Variants in FKBP1B observed in about 807,000 individuals in gnomAD.
FKBP1B encodes peptidyl-prolyl cis-trans isomerase FKBP1B.
A neutral mutation model predicts 13.5 loss-of-function variants in FKBP1B; 4 were observed. The observed-to-expected ratio is 0.30, with a 90% CI of 0.15 to 0.68. The LOEUF (loss-of-function observed/expected upper bound fraction) is 0.68. FKBP1B is among the 30% of genes least tolerant of loss of function. FKBP1B has a pLI of 0.76. For synonymous variants in FKBP1B, 54 were observed against 53.6 expected (o/e 1.01, Z -0.03); for missense variants, 93 against 136.2 (o/e 0.68, Z 1.58).
chr2:24,049,763 C>A lies in FKBP1B; in HGVS notation c.-87C>A. On this transcript the variant is annotated 5_prime_UTR_variant, in exon 1 of 4. Coordinates refer to ENST00000380986, the MANE Select transcript of FKBP1B (RefSeq NM_004116.5). The stretch of plus-strand genomic sequence containing the variant: ...TCTGCAGTGGCGGCGAGGAGGCGAG[C>A]CGGAGCGACGGCGGGGCTGGGGCCG... 8.8e-7 allele frequency: 1 copy of A among 1,140,902 alleles called. No homozygotes were observed. Among genetic ancestry groups the A allele is most frequent in the Non-Finnish European group, 1.1e-6 (1 of 889,592 alleles). 70.7% of individuals were successfully genotyped at this position (1,140,902 alleles called of 1,614,324 possible).
intron 2 of FKBP1B, among the ~76,000 whole-genome samples, chr2:24,057,608 G>T (rs758651809): frequency 4.6e-5 from 7 of 151,994 alleles, no homozygotes; most frequent in Non-Finnish European, 1.0e-4. Context: ...CCCTACCTCA[G>T]GTGATCTGCT....
chr2:24,052,412 A>G (rs1663921350), intron 1 of FKBP1B, among the ~76,000 whole-genome samples: 1 of 152,018 alleles, frequency 6.6e-6, no homozygotes, highest in Admixed American at 6.6e-5. Context: ...TCCAGCACCT[A>G]GCCTCCTTGC....
chr2:24,044,481 G>C, the FKBP1B span, among the ~76,000 whole-genome samples: 2 of 152,178 alleles, frequency 1.3e-5, no homozygotes, highest in Non-Finnish European at 2.9e-5. Flanking sequence ...TGGCCAGGCT[G>C]GTCTTGAACT....
the FKBP1B span, among the ~76,000 whole-genome samples, chr2:24,036,892 G>C: frequency 2.6e-5 from 4 of 152,242 alleles, no homozygotes; most frequent in Non-Finnish European, 5.9e-5. Context: ...GCGGATTAAG[G>C]GGAAGATGGG....
At chr2:24,060,571 T>C (rs1020408202) in intron 2 of FKBP1B, among the ~76,000 whole-genome samples, 1 of 151,740 alleles carries the variant, frequency 6.6e-6, no homozygotes, top group Non-Finnish European at 1.5e-5. Context: ...AATAAATAAA[T>C]AAAAATAGAA....
chr2:24,058,053 C>G (rs145091408), intron 2 of FKBP1B, among the ~76,000 whole-genome samples: 3,383 of 151,898 alleles, frequency 0.022, 126 homozygotes, highest in African/African-American at 0.076. Flanking sequence ...AAAAATTAGC[C>G]AGGCATGGTG....
chr2:24,061,009 C>A, intron 3 of FKBP1B, 83 bp downstream of exon 3: 1 of 991,152 alleles, frequency 1.0e-6, no homozygotes, highest in South Asian at 1.4e-5. Flanking sequence ...CCACCTTCAC[C>A]CACTCACAGA....
upstream of FKBP1B, among the ~76,000 whole-genome samples, chr2:24,045,063 T>A (rs1663568992): frequency 1.3e-5 from 2 of 152,314 alleles, no homozygotes; most frequent in South Asian, 4.1e-4. Flanking sequence ...ATATGCAGAA[T>A]GGACCTGAGA....
At chr2:24,053,247 G>A (rs866550852) in intron 1 of FKBP1B, among the ~76,000 whole-genome samples, 1 of 151,370 alleles carries the variant, frequency 6.6e-6, no homozygotes, top group African/African-American at 2.4e-5. Flanking sequence ...CAGTAGCTGG[G>A]ACTATAGGTA....
At chr2:24,049,152 G>C (rs1663732761), upstream of FKBP1B, among the ~76,000 whole-genome samples, 2 of 152,034 alleles carry the variant, frequency 1.3e-5, no homozygotes, top group Non-Finnish European at 1.5e-5. Flanking sequence ...TAAAGTGATG[G>C]TTTCATTAGA....
chr2:24,038,142 GAAAGT>G, the FKBP1B span: 1 of 1,614,204 alleles, frequency 6.2e-7, no homozygotes, highest in Non-Finnish European at 8.5e-7. Context: ...ACGGAGCACT[GAAAGT>G]AGAGTAGGTA....
At chr2:24,038,886 G>C in the FKBP1B span, 1 of 1,614,240 alleles carries the variant, frequency 6.2e-7, no homozygotes, top group Non-Finnish European at 8.5e-7. Flanking sequence ...AGACGTGGCT[G>C]TCCACATCAA....
chr2:24,061,860 G>A (rs950129944), intron 3 of FKBP1B, among the ~76,000 whole-genome samples: 11 of 151,376 alleles, frequency 7.3e-5, no homozygotes, highest in Admixed American at 6.6e-5. Flanking sequence ...GCTCCCTTAC[G>A]ATAGGTCTTG....
upstream of FKBP1B, chr2:24,049,588 CG>C: frequency 2.8e-6 from 1 of 352,720 alleles, no homozygotes; most frequent in East Asian, 4.1e-5. Flanking sequence ...TGTCGTCAGG[CG>C]GGGCCAGGCT....
intron 3 of FKBP1B, among the ~76,000 whole-genome samples, chr2:24,062,026 C>T (rs950081483): frequency 3.2e-5 from 4 of 123,810 alleles, no homozygotes; most frequent in Admixed American, 7.4e-5. Flanking sequence ...CCCGCCACCA[C>T]GGCCGGCTAA....
At chr2:24,053,668 A>G (rs1243568711) in intron 1 of FKBP1B, among the ~76,000 whole-genome samples, 2 of 151,962 alleles carry the variant, frequency 1.3e-5, no homozygotes, top group African/African-American at 4.8e-5. Context: ...GGGTGGTGGG[A>G]AAGCCCAGGA....
chr2:24,054,958 T>C (rs544185636), intron 2 of FKBP1B, among the ~76,000 whole-genome samples: 76 of 152,324 alleles, frequency 5.0e-4, no homozygotes, highest in Non-Finnish European at 5.7e-4. Flanking sequence ...CTATGTCTTA[T>C]CAAACATAGC....
the FKBP1B span, among the ~76,000 whole-genome samples, chr2:24,036,178 T>C: frequency 6.6e-6 from 1 of 151,284 alleles, no homozygotes; most frequent in Non-Finnish European, 1.5e-5. Context: ...GAAAACTCCA[T>C]GTAGTTAATG....
intron 1 of FKBP1B, 33 bp downstream of exon 1, chr2:24,049,919 AGGGGTCCCGGGGCGGAGCCCGGAGGGCG>A (rs766669230): frequency 2.5e-5 from 34 of 1,370,896 alleles, no homozygotes; most frequent in African/African-American, 3.1e-5. Context: ...AGGGGAGGGG[AGGGGTCCCGGGGCGGAGCCCGGAGGGCG>A]GGGGTCTGAT....
Sources: gnomAD v4.1 joint callset for allele counts (sites outside exome capture counted in the v4.1 genomes callset) on GRCh38, gnomAD v4.1.1 for gene constraint, MANE v1.5 for transcripts, NCBI Gene and HGNC (gene_info 2026-07-23, HGNC 2026-07-21) for gene names.